Variants in LOC128092253 observed in about 807,000 individuals in gnomAD.
chr6:133,976,923 G>A, the LOC128092253 span, among the ~76,000 whole-genome samples: 148 of 149,670 alleles, frequency 9.9e-4, no homozygotes, highest in African/African-American at 3.1e-3. Flanking sequence ...AGCCAAGATC[G>A]CGTCACAGCC....
At chr6:133,959,360 T>C in the LOC128092253 span, among the ~76,000 whole-genome samples, 1 of 151,898 alleles carries the variant, frequency 6.6e-6, no homozygotes, top group Non-Finnish European at 1.5e-5. Flanking sequence ...GTTAGGAAAT[T>C]TTTAGGAAAA....
At chr6:133,956,892 GA>G in the LOC128092253 span, among the ~76,000 whole-genome samples, 1 of 152,214 alleles carries the variant, frequency 6.6e-6, no homozygotes, top group Non-Finnish European at 1.5e-5. Flanking sequence ...AAAAGGATGA[GA>G]GACTGTATAC....
the LOC128092253 span, chr6:133,980,048 AAGTTT>A: frequency 7.4e-7 from 1 of 1,343,618 alleles, no homozygotes; most frequent in Non-Finnish European, 9.8e-7. Context: ...AACAACATTT[AAGTTT>A]AATGACTTTA....
chr6:133,969,006 G>A, the LOC128092253 span: 5 of 152,094 alleles, frequency 3.3e-5, no homozygotes, highest in East Asian at 1.9e-4. Context: ...AGTATTCGTC[G>A]AAACAGTGAG....
At chr6:133,965,268 T>C in the LOC128092253 span, among the ~76,000 whole-genome samples, 1 of 152,172 alleles carries the variant, frequency 6.6e-6, no homozygotes, top group African/African-American at 2.4e-5. Flanking sequence ...TTTTTAGCTT[T>C]TAAAATTATA....
the LOC128092253 span, among the ~76,000 whole-genome samples, chr6:133,977,213 T>C: frequency 6.6e-6 from 1 of 152,300 alleles, no homozygotes; most frequent in Middle Eastern, 3.4e-3. Flanking sequence ...TGACTTTTTA[T>C]ATTGCATCTT....
the LOC128092253 span, among the ~76,000 whole-genome samples, chr6:133,964,537 G>T: frequency 2.2e-4 from 33 of 150,206 alleles, 1 homozygote; most frequent in Admixed American, 1.9e-3. Flanking sequence ...TGCAAGCTCC[G>T]TCTCCCGGGT....
At chr6:133,955,202 AGGG>A in the LOC128092253 span, among the ~76,000 whole-genome samples, 3 of 149,620 alleles carry the variant, frequency 2.0e-5, no homozygotes, top group Admixed American at 2.0e-4. Context: ...CCTCAACCTC[AGGG>A]CTGCCATCAG....
At chr6:133,962,088 C>G in the LOC128092253 span, among the ~76,000 whole-genome samples, 1 of 151,950 alleles carries the variant, frequency 6.6e-6, no homozygotes, top group Non-Finnish European at 1.5e-5. Context: ...TATAAAACCG[C>G]GAAACAGTCT....
At chr6:133,967,085 C>T in the LOC128092253 span, among the ~76,000 whole-genome samples, 1 of 152,222 alleles carries the variant, frequency 6.6e-6, no homozygotes, top group Non-Finnish European at 1.5e-5. Context: ...TCACTTTTCT[C>T]ACCGTAGCCA....
At chr6:133,960,675 C>G in the LOC128092253 span, among the ~76,000 whole-genome samples, 2 of 152,180 alleles carry the variant, frequency 1.3e-5, no homozygotes, top group East Asian at 3.9e-4. Context: ...TTTGCTGTCT[C>G]TTTGGGTATA....
At chr6:133,968,125 A>T in the LOC128092253 span, among the ~76,000 whole-genome samples, 3 of 151,384 alleles carry the variant, frequency 2.0e-5, no homozygotes, top group Admixed American at 2.0e-4. Flanking sequence ...AGTAGCTGGG[A>T]CTACAGGCGC....
At chr6:133,956,828 T>A in the LOC128092253 span, among the ~76,000 whole-genome samples, 82 of 152,326 alleles carry the variant, frequency 5.4e-4, no homozygotes, top group African/African-American at 1.9e-3. Flanking sequence ...CTGCCTTCAC[T>A]TGAGTAGACA....
At chr6:133,979,401 G>A in the LOC128092253 span, among the ~76,000 whole-genome samples, 1 of 152,070 alleles carries the variant, frequency 6.6e-6, no homozygotes, top group Non-Finnish European at 1.5e-5. Flanking sequence ...TGCCACTAAT[G>A]GTTAGACATT....
the LOC128092253 span, among the ~76,000 whole-genome samples, chr6:133,959,666 A>G: frequency 1.1e-3 from 168 of 152,132 alleles, no homozygotes; most frequent in Non-Finnish European, 1.9e-3. Context: ...TATTTTTAGT[A>G]GAGATGGGGT....
chr6:133,964,551 C>T, the LOC128092253 span, among the ~76,000 whole-genome samples: 5 of 150,846 alleles, frequency 3.3e-5, no homozygotes, highest in Non-Finnish European at 7.4e-5. Flanking sequence ...CCCGGGTTCA[C>T]GCCATTCTCC....
chr6:133,978,610 A>G, the LOC128092253 span, among the ~76,000 whole-genome samples: 1 of 152,242 alleles, frequency 6.6e-6, no homozygotes, highest in Non-Finnish European at 1.5e-5. Flanking sequence ...AAATAACAGA[A>G]AAACAAAAAG....
chr6:133,961,598 G>T, the LOC128092253 span, among the ~76,000 whole-genome samples: 1 of 151,392 alleles, frequency 6.6e-6, no homozygotes, highest in Admixed American at 6.6e-5. Flanking sequence ...CTCCTGGGTA[G>T]CTGGGATTAC....
the LOC128092253 span, among the ~76,000 whole-genome samples, chr6:133,954,064 A>G: frequency 1.3e-5 from 2 of 152,238 alleles, no homozygotes; most frequent in African/African-American, 4.8e-5. Flanking sequence ...AAAATAGCCA[A>G]TAAAAGCCCT....
Sources: gnomAD v4.1 joint callset for allele counts (sites outside exome capture counted in the v4.1 genomes callset) on GRCh38, gnomAD v4.1.1 for gene constraint, MANE v1.5 for transcripts.